Variants in TNF observed in about 807,000 individuals in gnomAD.
The protein encoded by TNF is APC1 protein.
A neutral mutation model predicts 21.8 loss-of-function variants in TNF; 7 were observed. That is an observed-to-expected ratio of 0.32 (90% confidence interval 0.18 to 0.60). TNF has a LOEUF of 0.60. TNF is among the 20% of genes least tolerant of loss of function. The pLI is 0.84. For synonymous variants in TNF, 123 were observed against 130.2 expected (o/e 0.94, Z 0.38); for missense variants, 216 against 296.6 (o/e 0.73, Z 2.00).
In TNF at chr6:31,577,448, G is replaced by C; in HGVS notation, c.613G>C (p.Gly205Arg). ...YLGGVFQLEK[G>R]DRLSAEINRP... is the part of the protein sequence containing the mutation. ...GGGAGGGGTCTTCCAGCTGGAGAAG[G>C]GTGACCGACTCAGCGCTGAGATCAA... The change falls in exon 4 of 4, where the codon GGT becomes CGT. Residue 205 changes from glycine to arginine, a missense_variant. By Grantham distance (125) the Gly-to-Arg change is moderately radical. This residue lies in a region of TNF where 98 missense variants were observed against 169.6 expected (regional missense o/e 0.58). Transcript: ENST00000449264. The surrounding 1 kb of genome is among the most constrained non-coding windows in gnomAD (Gnocchi z 7.7). The C allele has an allele frequency of 1.2e-6, 2 of 1,613,112 alleles. No homozygotes were observed. Among genetic ancestry groups the C allele is most frequent in the Non-Finnish European group, 8.5e-7 (1 of 1,180,038 alleles).
chr6:31,576,438 A>G, intron 1 of TNF, 96 bp from the exon 2 acceptor site: 3 of 1,206,336 alleles, frequency 2.5e-6, no homozygotes, highest in Non-Finnish European at 3.6e-6. Flanking sequence ...AAAACCAGAC[A>G]CCTCAGGGCT....
chr6:31,575,979 A>G lies in TNF; in HGVS notation c.186+52A>G. 2 of 1,432,356 alleles carry G rather than the reference A, an allele frequency of 1.4e-6. No homozygotes were observed. 88.7% of individuals were successfully genotyped at this position (1,432,356 alleles called of 1,614,324 possible). On this transcript the variant is annotated intron_variant, in intron 1 of 3. Coordinates refer to ENST00000449264, the MANE Select transcript of TNF (RefSeq NM_000594.4). The surrounding 1 kb of genome is among the most constrained non-coding windows in gnomAD (Gnocchi z 6.2). ...CTCTCCCACCCAAGGGGAAATGGAG[A>G]CGCAAGAGAGGGAGAGAGATGGGAT...
In TNF at chr6:31,577,394, G is replaced by T; in HGVS notation, c.559G>T (p.Ala187Ser). The change falls in exon 4 of 4, where the codon GCC (alanine) becomes TCC (serine). Residue 187 changes from alanine (A) to serine (S), a missense_variant. Ala to Ser is a moderately conservative substitution (Grantham distance 99). Around this residue, in one of 2 missense-constraint regions of TNF, gnomAD observed 98 missense variants for 169.6 expected, o/e 0.58. Coordinates refer to ENST00000449264, the MANE Select transcript of TNF (RefSeq NM_000594.4). This position sits in a 1 kb window ranked among gnomAD's most constrained non-coding sequence, Gnocchi z 7.7. ...GAGGGAGACCCCAGAGGGGGCTGAGGCCAAGCCCTGGTATGAGCCCATCTA... is the reference window on the plus strand; with the variant it reads ...GAGGGAGACCCCAGAGGGGGCTGAGTCCAAGCCCTGGTATGAGCCCATCTA... ...CQRETPEGAE[A>S]KPWYEPIYLG... 6.2e-7 allele frequency: 1 copy of T among 1,613,164 alleles called. No individual in the cohort carries two copies. Among genetic ancestry groups the T allele is most frequent in the Non-Finnish European group, 8.5e-7 (1 of 1,180,052 alleles).
rs762461783 is a variant in TNF, at chr6:31,576,585, T to C, written c.232+6T>C. 5.6e-6 allele frequency: 9 copies of C among 1,613,332 alleles called. No individual in the cohort carries two copies. The highest frequency in any genetic ancestry group is 7.6e-6 in the Non-Finnish European group (9 of 1,179,798). On this transcript the variant is annotated splice_donor_region_variant and intron_variant, in intron 2 of 3. Coordinates refer to ENST00000449264, the MANE Select transcript of TNF (RefSeq NM_000594.4). Reference sequence around the variant, plus strand: ...CCCTCTGGCCCAGGCAGTCAGTAAGTGTCTCCAAACCTCTTTCCTAATTCT... The same window carrying C: ...CCCTCTGGCCCAGGCAGTCAGTAAGCGTCTCCAAACCTCTTTCCTAATTCT...
At chr6:31,576,669 G>A in intron 2 of TNF, 90 bp downstream of exon 2, 1 of 1,582,122 alleles carries the variant, frequency 6.3e-7, no homozygotes, top group South Asian at 1.1e-5. Context: ...GAAATTTAAA[G>A]TTTTGGTCTT....
At chr6:31,576,939 G>A in intron 3 of TNF, 125 bp downstream of exon 3, 3 of 1,391,462 alleles carry the variant, frequency 2.2e-6, no homozygotes, top group Non-Finnish European at 2.0e-6. Flanking sequence ...GGGAAGGGTG[G>A]AGGAACAGCA....
intron 1 of TNF, 100 bp downstream of exon 1, chr6:31,576,027 G>T (rs915257713): frequency 8.6e-6 from 11 of 1,274,420 alleles, no homozygotes; most frequent in Non-Finnish European, 1.1e-5. Flanking sequence ...TGCGCTGATA[G>T]GGAGGGATGG....
Sources: allele counts gnomAD v4.1 joint callset, GRCh38; gene constraint gnomAD v4.1.1; regional missense constraint gnomAD v4.1.1; non-coding constraint Gnocchi (gnomAD v3.1); transcripts MANE v1.5; gene names NCBI Gene and HGNC (gene_info 2026-07-23, HGNC 2026-07-21).